The following TTYH2 variants were observed in gnomAD, a reference collection of about 807,000 sequenced individuals.
TTYH2 encodes tweety family member 2, also known as protein tweety homolog 2.
In TTYH2, 49 loss-of-function variants were observed where a neutral mutation model predicts 68.3. That is an observed-to-expected ratio of 0.72 (90% CI 0.57 to 0.91). The LOEUF (loss-of-function observed/expected upper bound fraction) is 0.91. Ranked by LOEUF, TTYH2 falls within the 40% of genes least tolerant of loss-of-function variation. The pLI is 0.00. For missense variants in TTYH2, 631 were observed against 700.4 expected (o/e 0.90, Z 1.12); for synonymous variants, 272 against 300.8 (o/e 0.90, Z 0.99).
intron 8 of TTYH2, among the ~76,000 whole-genome samples, 155 bp downstream of exon 8, chr17:74,249,554 G>A (rs1870994): frequency 0.21 from 31,316 of 152,118 alleles, 3,436 homozygotes; most frequent in South Asian, 0.24. Flanking sequence ...CGTGCTTTTG[G>A]TCGTGGGTTC....
At position 74,246,499 on chromosome 17, in the gene TTYH2, C is replaced by T. The variant is rs182996202; in HGVS notation, c.804+2450C>T. Reference sequence around the variant, plus strand: ...TGGCTTCCTGTGCATTCATCGTCATCATGCTAGGGTCACGGGGGTCCCTTC... The same window carrying T: ...TGGCTTCCTGTGCATTCATCGTCATTATGCTAGGGTCACGGGGGTCCCTTC... On this transcript the variant is annotated intron_variant, in intron 6 of 13. Coordinates refer to ENST00000269346, the MANE Select transcript of TTYH2 (RefSeq NM_032646.6). 1.6e-3 allele frequency among the ~76,000 whole-genome samples: 234 copies of T among 149,186 alleles called. 2 individuals carry two copies. Among genetic ancestry groups the T allele is most frequent in the East Asian group, 0.014 (72 of 5,162 alleles).
rs1020160424 is a variant in TTYH2, at chr17:74,253,272, G to T, written c.1445+6G>T. ...GCCCCTGTCTCCGAGTACATGTACG[G>T]CCTGCACACACACCCAGGCTGGGTA... On this transcript the variant is annotated splice_donor_region_variant and intron_variant, in intron 12 of 13. Coordinates refer to ENST00000269346, the MANE Select transcript of TTYH2 (RefSeq NM_032646.6). The T allele has an allele frequency of 6.3e-7, 1 of 1,582,994 alleles. No individual in the cohort carries two copies. The highest frequency in any genetic ancestry group is 8.6e-7 in the Non-Finnish European group (1 of 1,165,320).
rs537998419 is a variant in TTYH2 at position 74,222,377 on chromosome 17, G to A, written c.130-108G>A. 1.1e-4 allele frequency: 148 copies of A among 1,295,182 alleles called. No homozygotes were observed. Among genetic ancestry groups the A allele is most frequent in the Non-Finnish European group, 1.5e-4 (144 of 953,568 alleles). The allele number at this position is 1,295,182 out of a possible 1,614,324, so 80.2% of individuals were successfully genotyped here. ...CTAGGTGGAGCTTGGAAGGATGGAC[G>A]AGAGATGCAGCTCAGGCAGTGGGGC... is the stretch of plus-strand genomic sequence containing the variant. On this transcript the variant is annotated intron_variant, in intron 1 of 13. Coordinates refer to ENST00000269346, the MANE Select transcript of TTYH2 (RefSeq NM_032646.6). This position sits in a 1 kb window ranked among gnomAD's most constrained non-coding sequence, Gnocchi z 5.2.
chr17:74,253,797 C>A lies in TTYH2; in HGVS notation c.1488C>A (p.Asn496Lys). 1.2e-6 allele frequency: 2 copies of A among 1,614,240 alleles called. No individual in the cohort carries two copies. The highest frequency in any genetic ancestry group is 1.1e-5 in the South Asian group (1 of 91,086). ...TTGGTAGGAACCCACGCTACGAGAACGTGCCACTAATCGGGAGAGCCTCCC... is the reference window on the plus strand; with the variant it reads ...TTGGTAGGAACCCACGCTACGAGAAAGTGCCACTAATCGGGAGAGCCTCCC... ...MLFGRNPRYE[N>K]VPLIGRASPP... Residue 496 changes from asparagine (N) to lysine (K), a missense_variant, in exon 13 of 14, where the codon AAC (asparagine) becomes AAA (lysine). Physicochemically the swap from Asn to Lys is moderately conservative, Grantham distance 94 (BLOSUM62 0). Coordinates refer to ENST00000269346, the MANE Select transcript of TTYH2 (RefSeq NM_032646.6).
chr17:74,244,056 T>C lies in TTYH2; in HGVS notation c.804+7T>C. 6.2e-7 allele frequency: 1 copy of C among 1,609,920 alleles called. No homozygotes were observed. On this transcript the variant is annotated splice_region_variant and intron_variant, in intron 6 of 13. Coordinates refer to ENST00000269346, the MANE Select transcript of TTYH2 (RefSeq NM_032646.6). ...TGATGGCTCTGCGGCAGTGGTGAGT[T>C]GGGGGAGGGAGTGGGTGGTGGGTGG...
chr17:74,229,926 T>A (rs1045626317), intron 2 of TTYH2, among the ~76,000 whole-genome samples: 7 of 151,976 alleles, frequency 4.6e-5, no homozygotes, highest in African/African-American at 1.7e-4. Flanking sequence ...AGGTCAGGAG[T>A]TCAAGACCAG....
chr17:74,222,372 T>C lies in TTYH2; in HGVS notation c.130-113T>C. The stretch of plus-strand genomic sequence containing the variant: ...GAACCCTAGGTGGAGCTTGGAAGGA[T>C]GGACGAGAGATGCAGCTCAGGCAGT... On this transcript the variant is annotated intron_variant, in intron 1 of 13. Transcript: ENST00000269346. The surrounding 1 kb of genome is among the most constrained non-coding windows in gnomAD (Gnocchi z 5.2). The C allele has an allele frequency of 1.6e-6, 2 of 1,264,712 alleles. 1 individual carries two copies. 78.3% of individuals were successfully genotyped at this position (1,264,712 alleles called of 1,614,324 possible). A position where few individuals can be genotyped will look rare whatever the true frequency, so the allele number is the denominator to read the frequency against.
At chr17:74,258,851 C>A (rs1195037522) in intron 13 of TTYH2, among the ~76,000 whole-genome samples, 1 of 151,962 alleles carries the variant, frequency 6.6e-6, no homozygotes, top group African/African-American at 2.4e-5. Flanking sequence ...TGGTTGAGAC[C>A]CACTGGGTCG....
rs535941026 is a variant in TTYH2, at chr17:74,232,523, G to T, written c.414+1524G>T. 1.3e-3 allele frequency among the ~76,000 whole-genome samples: 193 copies of T among 152,344 alleles called. 1 individual carries two copies. Among genetic ancestry groups the T allele is most frequent in the African/African-American group, 4.4e-3 (185 of 41,580 alleles). On this transcript the variant is annotated intron_variant, in intron 3 of 13. Coordinates refer to ENST00000269346, the MANE Select transcript of TTYH2 (RefSeq NM_032646.6). This position sits in a 1 kb window ranked among gnomAD's most constrained non-coding sequence, Gnocchi z 5.1. ...GGTTGGAGGAGCTGAGGGACAGCCA[G>T]CTCAGGCCTGGGAGGCAGAGGTGTG...
In TTYH2 at chr17:74,213,900, C is replaced by T. The variant is rs142935208; in HGVS notation, c.129+184C>T. 6.6e-6 allele frequency among the ~76,000 whole-genome samples: 1 copy of T among 152,212 alleles called. No homozygotes were observed. Among genetic ancestry groups the T allele is most frequent in the Non-Finnish European group, 1.5e-5 (1 of 68,010 alleles). ...CCCAGGCCCGTGGCCCGCGTCCCCT[C>T]CTGTCTGGGAACCTGGGGGCCGGGA... On this transcript the variant is annotated intron_variant, in intron 1 of 13. Transcript: ENST00000269346. This position sits in a 1 kb window ranked among gnomAD's most constrained non-coding sequence, Gnocchi z 6.1.
intron 13 of TTYH2, among the ~76,000 whole-genome samples, chr17:74,259,464 C>T (rs1210720440): frequency 6.6e-6 from 1 of 152,160 alleles, no homozygotes; most frequent in Admixed American, 6.5e-5. Context: ...ATCCTCCTGC[C>T]TCTGTCTCCT....
rs75969126 is a variant in TTYH2 at position 74,254,497 on chromosome 17, A to T, written c.1524+664A>T. Among the ~76,000 whole-genome samples, 1,393 of 152,318 alleles carry T rather than the reference A, an allele frequency of 9.1e-3. 15 individuals carry two copies. Among genetic ancestry groups the T allele is most frequent in the Non-Finnish European group, 0.015 (1,019 of 68,022 alleles). On this transcript the variant is annotated intron_variant, in intron 13 of 13. Transcript: ENST00000269346. ...AATTGCCTTTATCCAGAGGAAAAAT[A>T]AAACTCCTATTTCCGTGACAATCAG...
intron 6 of TTYH2, chr17:74,248,754 C>T: frequency 7.2e-7 from 1 of 1,386,560 alleles, no homozygotes; most frequent in Non-Finnish European, 9.4e-7. Flanking sequence ...ACTTTACTTG[C>T]ATTGGGTGAA....
At chr17:74,234,870 C>T (rs1424737987) in intron 3 of TTYH2, among the ~76,000 whole-genome samples, 1 of 152,114 alleles carries the variant, frequency 6.6e-6, no homozygotes, top group East Asian at 1.9e-4. Context: ...ATGATAGTGC[C>T]ATTTGTATAA....
At chr17:74,247,224 C>A (rs1458895190) in intron 6 of TTYH2, among the ~76,000 whole-genome samples, 3 of 150,510 alleles carry the variant, frequency 2.0e-5, no homozygotes, top group South Asian at 4.2e-4. Context: ...GAGACTTATT[C>A]ATTATCAAAA....
chr17:74,225,132 G>A (rs1598215722), intron 2 of TTYH2, among the ~76,000 whole-genome samples: 1 of 152,328 alleles, frequency 6.6e-6, no homozygotes, highest in Non-Finnish European at 1.5e-5. Context: ...ATGAGAAGGC[G>A]TTAACTTGGC....
chr17:74,221,505 G>A (rs1451863356), intron 1 of TTYH2, among the ~76,000 whole-genome samples: 3 of 152,302 alleles, frequency 2.0e-5, no homozygotes, highest in Admixed American at 6.5e-5. Context: ...CTAGGGATTC[G>A]GGACTGGGAA....
chr17:74,217,421 G>A lies in TTYH2; in HGVS notation c.129+3705G>A, dbSNP rs937148796. ...AGTACAAAGTGGAGGGTACACAGTT[G>A]GGGACTGGACCGGAACTACAGGACT... On this transcript the variant is annotated intron_variant, in intron 1 of 13. Coordinates refer to ENST00000269346, the MANE Select transcript of TTYH2 (RefSeq NM_032646.6). The surrounding 1 kb of genome is among the most constrained non-coding windows in gnomAD (Gnocchi z 4.0). 6.6e-6 allele frequency among the ~76,000 whole-genome samples: 1 copy of A among 152,218 alleles called. No homozygotes were observed. The highest frequency in any genetic ancestry group is 2.4e-5 in the African/African-American group (1 of 41,452).
At chr17:74,245,895 C>T (rs1005781974) in intron 6 of TTYH2, among the ~76,000 whole-genome samples, 4 of 152,106 alleles carry the variant, frequency 2.6e-5, no homozygotes, top group South Asian at 2.1e-4. Flanking sequence ...TCCCCACCCC[C>T]GACCCCTACC....
Sources: allele counts gnomAD v4.1 joint callset (sites outside exome capture counted in the v4.1 genomes callset), GRCh38; gene constraint gnomAD v4.1.1; non-coding constraint Gnocchi (gnomAD v3.1); transcripts MANE v1.5; gene names NCBI Gene and HGNC (gene_info 2026-07-23, HGNC 2026-07-21).